The following MCC variants were observed in gnomAD, a reference collection of about 807,000 sequenced individuals.
The protein encoded by MCC is colorectal mutant cancer protein.
In MCC, 90 loss-of-function variants were observed where a neutral mutation model predicts 116.2. The ratio of observed to expected loss-of-function variants is 0.77; its 90% CI spans 0.65 to 0.92. The LOEUF is 0.92. Among genes scored for constraint, MCC ranks in the 40% least tolerant of loss-of-function variants. The probability of loss-of-function intolerance (pLI) is 0.00; values close to 1 mark genes in which losing one functional copy is unlikely to be tolerated. For missense variants in MCC, 1,516 were observed against 1,312.2 expected, an observed-to-expected ratio of 1.16 and a Z score of -2.40; for synonymous variants, 578 against 510.5, an observed-to-expected ratio of 1.13 and a Z score of -1.78.
intron 5 of MCC, among the ~76,000 whole-genome samples, chr5:113,129,204 G>A (rs1443692): frequency 0.036 from 5,482 of 152,224 alleles, 334 homozygotes; most frequent in African/African-American, 0.13. Flanking sequence ...AGAGAGTTTA[G>A]GATAGGAGCC....
intron 14 of MCC, among the ~76,000 whole-genome samples, chr5:113,054,188 T>C (rs933765097): frequency 3.9e-5 from 6 of 152,240 alleles, no homozygotes; most frequent in African/African-American, 1.4e-4. Context: ...CTGTGGACTC[T>C]AGAAATGAAT....
chr5:113,457,427 C>G (rs1771602669), intron 1 of MCC, among the ~76,000 whole-genome samples: 1 of 152,254 alleles, frequency 6.6e-6, no homozygotes, highest in African/African-American at 2.4e-5. Context: ...GAGCCTACCC[C>G]CGCCTCCGTG....
intron 1 of MCC, among the ~76,000 whole-genome samples, chr5:113,466,117 G>T (rs569018691): frequency 6.6e-6 from 1 of 152,012 alleles, no homozygotes; most frequent in Non-Finnish European, 1.5e-5. Context: ...AATCTGGCTG[G>T]AAGCAAAGAA....
intron 2 of MCC, among the ~76,000 whole-genome samples, chr5:113,379,353 G>C (rs886148917): frequency 2.0e-5 from 3 of 152,204 alleles, no homozygotes; most frequent in Admixed American, 6.5e-5. Flanking sequence ...AGATGATAAT[G>C]ATAACAACAC....
In MCC at chr5:113,417,754, C is replaced by A. The variant is rs371511473; in HGVS notation, c.171-32542G>T. 1.8e-4 allele frequency among the ~76,000 whole-genome samples: 27 copies of A among 152,140 alleles called. 4 individuals carry two copies. Among genetic ancestry groups the A allele is most frequent in the Admixed American group, 7.2e-4 (11 of 15,264 alleles). ...GACCAGCCTGGGCAACATGGTGAAACCCTGTCTCTACAAAAAATACAAAAA... is the reference window on the plus strand; with the variant it reads ...GACCAGCCTGGGCAACATGGTGAAAACCTGTCTCTACAAAAAATACAAAAA... On this transcript the variant is annotated intron_variant, in intron 1 of 18. Coordinates refer to ENST00000408903, the MANE Select transcript of MCC (RefSeq NM_001085377.2).
Position 113,447,510 on chromosome 5 carries a change from T to C in MCC, c.170+40735A>G, listed in dbSNP as rs190328511. Among the ~76,000 whole-genome samples the C allele has an allele frequency of 5.7e-4, 87 of 152,298 alleles. 1 individual carries two copies. The East Asian group carries it at 0.011, about 20-fold the overall frequency. ...GATCCCACTATGCTTTTTCTACAGC[T>C]GAAATCAGAACTGGAAGAGGTCTTA... On this transcript the variant is annotated intron_variant, in intron 1 of 18. Transcript: ENST00000408903.
Position 113,023,620 on chromosome 5 carries a change from A to C in MCC, c.*3682T>G, listed in dbSNP as rs1328713592. 1 of 152,220 alleles carries C rather than the reference A, an allele frequency of 6.6e-6. No homozygotes were observed. Among genetic ancestry groups the C allele is most frequent in the East Asian group, 1.9e-4 (1 of 5,200 alleles). The allele number at this position is 152,220 out of a possible 1,614,324, so 9.4% of individuals were successfully genotyped here. A position where few individuals can be genotyped will look rare whatever the true frequency, so the allele number is the denominator to read the frequency against. ...CTCTAACTAGTAGCTCTGTTTGCTG[A>C]ATCTAGAAGTAGGTAGAGCTGTAAA... On this transcript the variant is annotated 3_prime_UTR_variant, in exon 19 of 19. Coordinates refer to ENST00000408903, the MANE Select transcript of MCC (RefSeq NM_001085377.2).
intron 13 of MCC, among the ~76,000 whole-genome samples, chr5:113,067,321 C>G (rs573838521): frequency 6.6e-6 from 1 of 152,276 alleles, no homozygotes; most frequent in Non-Finnish European, 1.5e-5. Context: ...TCGTAAGACA[C>G]CTGGAGACCT....
intron 6 of MCC, among the ~76,000 whole-genome samples, chr5:113,104,821 GC>G (rs1756638115): frequency 6.6e-6 from 1 of 152,192 alleles, no homozygotes. Flanking sequence ...CCCTCAATGA[GC>G]CTAAAACCAA....
chr5:113,032,956 C>T (rs1283535364), intron 17 of MCC, among the ~76,000 whole-genome samples: 1 of 152,206 alleles, frequency 6.6e-6, no homozygotes, highest in African/African-American at 2.4e-5. Flanking sequence ...ATAATCCACC[C>T]TTTGTTTAGC....
intron 3 of MCC, among the ~76,000 whole-genome samples, chr5:113,314,696 T>C (rs1429683686): frequency 3.9e-5 from 6 of 152,200 alleles, no homozygotes; most frequent in Non-Finnish European, 8.8e-5. Context: ...CAAGCGATTC[T>C]CCTGCCTCAG....
At chr5:113,142,065 T>A (rs1046439371) in intron 5 of MCC, among the ~76,000 whole-genome samples, 3 of 152,174 alleles carry the variant, frequency 2.0e-5, no homozygotes, top group African/African-American at 4.8e-5. Context: ...AATTAGAATA[T>A]GCAGTTTATT....
chr5:113,256,417 G>A (rs1268880057), intron 3 of MCC, among the ~76,000 whole-genome samples: 1 of 152,194 alleles, frequency 6.6e-6, no homozygotes, highest in Admixed American at 6.5e-5. Flanking sequence ...CATAAGTAGA[G>A]GGTTCAGACA....
intron 3 of MCC, among the ~76,000 whole-genome samples, chr5:113,157,261 C>G (rs556658566): frequency 4.6e-5 from 7 of 152,356 alleles, no homozygotes; most frequent in African/African-American, 1.7e-4. Flanking sequence ...TGACCTTCAT[C>G]ACGCCAGGAC....
At chr5:113,084,261 T>A in intron 9 of MCC, 71 bp from the exon 10 acceptor site, 2 of 1,159,634 alleles carry the variant, frequency 1.7e-6, no homozygotes, top group Non-Finnish European at 1.3e-6. Context: ...GGACTACGCT[T>A]ATACAGGGCT....
At chr5:113,166,419 A>G (rs1760768729) in intron 3 of MCC, among the ~76,000 whole-genome samples, 1 of 152,214 alleles carries the variant, frequency 6.6e-6, no homozygotes, top group Non-Finnish European at 1.5e-5. Flanking sequence ...AAAAATGTTG[A>G]GTAAGCTTTT....
At chr5:113,257,739 A>C (rs1765074297) in intron 3 of MCC, among the ~76,000 whole-genome samples, 1 of 152,160 alleles carries the variant, frequency 6.6e-6, no homozygotes, top group Admixed American at 6.6e-5. Context: ...GGTGTGTGAA[A>C]GAAGAGTTTT....
Position 113,261,602 on chromosome 5 carries a change from T to C in MCC, c.627+78917A>G, listed in dbSNP as rs374914506. ...CATAAATACCAAATATTAACAGTTA[T>C]GGGAAAAACTGACAAATATTATCAT... On this transcript the variant is annotated intron_variant, in intron 3 of 18. Transcript: ENST00000408903. 9.1e-4 allele frequency among the ~76,000 whole-genome samples: 138 copies of C among 152,304 alleles called. 1 individual carries two copies. The highest frequency in any genetic ancestry group is 3.2e-3 in the African/African-American group (132 of 41,570).
At chr5:113,198,730 C>T (rs1403402519) in intron 3 of MCC, among the ~76,000 whole-genome samples, 2 of 148,270 alleles carry the variant, frequency 1.3e-5, no homozygotes, top group African/African-American at 5.0e-5. Context: ...AAAGAATTAA[C>T]AGACAGTATA....
Sources: allele counts gnomAD v4.1 joint callset (sites outside exome capture counted in the v4.1 genomes callset), GRCh38; gene constraint gnomAD v4.1.1; transcripts MANE v1.5; gene names NCBI Gene and HGNC (gene_info 2026-07-23, HGNC 2026-07-21).